Variants in KCNQ5 observed in about 807,000 individuals in gnomAD.
The protein encoded by KCNQ5 is potassium voltage-gated channel subfamily KQT member 5.
A neutral mutation model predicts 98.2 loss-of-function variants in KCNQ5; 30 were observed. That is an observed-to-expected ratio of 0.31 (90% CI 0.23 to 0.41). The LOEUF (loss-of-function observed/expected upper bound fraction) is 0.41. Among genes scored for constraint, KCNQ5 ranks in the 10% least tolerant of loss-of-function variants. The pLI is 1.00. For missense variants in KCNQ5, 835 were observed against 1,182.5 expected, an observed-to-expected ratio of 0.71 and a Z score of 4.31; for synonymous variants, 458 against 449.4, an observed-to-expected ratio of 1.02 and a Z score of -0.24.
rs762085378 is a variant in KCNQ5, at chr6:73,071,740, G to A, written c.617-5582G>A. 5.7e-4 allele frequency among the ~76,000 whole-genome samples: 87 copies of A among 152,166 alleles called. 1 individual carries two copies. The highest frequency in any genetic ancestry group is 1.9e-4 in the East Asian group (1 of 5,172). On this transcript the variant is annotated intron_variant, in intron 3 of 13. Transcript: ENST00000370398. Reference sequence around the variant, plus strand: ...AGAACTCAGTCATTACTTCAAGGACGGTACCAAGCCATTCATGAGCGATCC... The same window carrying A: ...AGAACTCAGTCATTACTTCAAGGACAGTACCAAGCCATTCATGAGCGATCC...
intron 8 of KCNQ5, 71 bp from the exon 9 acceptor site, chr6:73,124,415 G>A: frequency 7.2e-7 from 1 of 1,392,662 alleles, no homozygotes; most frequent in South Asian, 1.2e-5. Flanking sequence ...CTCCAATTTG[G>A]CCATTATCAA....
chr6:72,713,737 G>A lies in KCNQ5; in HGVS notation c.398+91150G>A, dbSNP rs1010870694. Among the ~76,000 whole-genome samples, 14 of 152,290 alleles carry A rather than the reference G, an allele frequency of 9.2e-5. No homozygotes were observed. The South Asian group carries it at 1.0e-3, about 11-fold the overall frequency. On this transcript the variant is annotated intron_variant, in intron 1 of 13. Coordinates refer to ENST00000370398, the MANE Select transcript of KCNQ5 (RefSeq NM_019842.4). ...CACAGAGGGTTCTTTGTCTTAGAGA[G>A]GGGCATGGAGACTAGACAGGCTTAT...
chr6:73,118,274 C>T (rs1261542685), intron 7 of KCNQ5, among the ~76,000 whole-genome samples: 2 of 152,168 alleles, frequency 1.3e-5, no homozygotes, highest in Non-Finnish European at 2.9e-5. Context: ...GAAATGTACT[C>T]CTTGGTGTCT....
At chr6:72,646,536 T>C (rs889469703) in intron 1 of KCNQ5, among the ~76,000 whole-genome samples, 1 of 152,164 alleles carries the variant, frequency 6.6e-6, no homozygotes, top group Non-Finnish European at 1.5e-5. Context: ...CATATGGTTA[T>C]CTATTGGTCT....
chr6:73,032,835 C>CA (rs57177639), intron 2 of KCNQ5, among the ~76,000 whole-genome samples: 2 of 151,466 alleles, frequency 1.3e-5, no homozygotes, highest in African/African-American at 2.4e-5. Flanking sequence ...GGATGGACAA[C>CA]AAAAAAAACC....
intron 3 of KCNQ5, among the ~76,000 whole-genome samples, chr6:73,073,670 T>C (rs1431933971): frequency 6.6e-6 from 1 of 152,198 alleles, no homozygotes; most frequent in Admixed American, 6.5e-5. Context: ...AAGTGTCTAA[T>C]ATAATTCTTG....
At chr6:72,962,319 T>G (rs966202273) in intron 1 of KCNQ5, among the ~76,000 whole-genome samples, 3 of 137,738 alleles carry the variant, frequency 2.2e-5, no homozygotes, top group Non-Finnish European at 3.1e-5. Flanking sequence ...GCATACAGAG[T>G]GATAAAATAG....
intron 1 of KCNQ5, among the ~76,000 whole-genome samples, chr6:72,998,593 C>T (rs975179684): frequency 1.3e-5 from 2 of 151,906 alleles, no homozygotes; most frequent in African/African-American, 4.8e-5. Context: ...AAGCATTAGC[C>T]GGGCTTGGTG....
intron 1 of KCNQ5, among the ~76,000 whole-genome samples, chr6:72,790,957 T>C (rs919617289): frequency 1.4e-4 from 22 of 152,174 alleles, no homozygotes; most frequent in African/African-American, 5.3e-4. Flanking sequence ...GAAATGGTCC[T>C]GGGTCTGGAG....
intron 1 of KCNQ5, among the ~76,000 whole-genome samples, chr6:72,652,425 T>C (rs1765923768): frequency 8.6e-6 from 1 of 116,840 alleles, no homozygotes; most frequent in South Asian, 2.8e-4. Context: ...TTTCTCCTGG[T>C]TTTTCCCCCT....
intron 1 of KCNQ5, among the ~76,000 whole-genome samples, chr6:72,741,199 C>T (rs114325998): frequency 1.8e-3 from 268 of 152,228 alleles, no homozygotes; most frequent in African/African-American, 6.1e-3. Flanking sequence ...TCAGATTGCC[C>T]AGTGAAAATG....
chr6:73,096,132 C>A (rs1774483899), intron 5 of KCNQ5, among the ~76,000 whole-genome samples: 1 of 151,990 alleles, frequency 6.6e-6, no homozygotes, highest in African/African-American at 2.4e-5. Flanking sequence ...AATTGAAGAA[C>A]TTAGAGTCCA....
chr6:73,092,528 C>G (rs768297203), intron 5 of KCNQ5, among the ~76,000 whole-genome samples: 3 of 152,028 alleles, frequency 2.0e-5, no homozygotes, highest in Non-Finnish European at 2.9e-5. Flanking sequence ...TCATAGGTGA[C>G]TTTTATTACT....
chr6:73,048,825 C>G (rs1772086880), intron 3 of KCNQ5, among the ~76,000 whole-genome samples: 1 of 152,028 alleles, frequency 6.6e-6, no homozygotes, highest in Non-Finnish European at 1.5e-5. Context: ...GTGATGGAAA[C>G]TTTTTTACAG....
intron 1 of KCNQ5, among the ~76,000 whole-genome samples, chr6:72,794,627 A>G (rs1458724224): frequency 6.6e-6 from 1 of 152,204 alleles, no homozygotes; most frequent in Non-Finnish European, 1.5e-5. Context: ...TTATAATTTC[A>G]GATAAGGGAC....
At chr6:72,809,623 C>T (rs966270003) in intron 1 of KCNQ5, among the ~76,000 whole-genome samples, 1 of 152,058 alleles carries the variant, frequency 6.6e-6, no homozygotes, top group African/African-American at 2.4e-5. Flanking sequence ...GCACACAGAA[C>T]ACATGTAAAA....
intron 1 of KCNQ5, among the ~76,000 whole-genome samples, chr6:72,730,098 A>C (rs1376164927): frequency 6.6e-6 from 1 of 152,182 alleles, no homozygotes; most frequent in East Asian, 1.9e-4. Flanking sequence ...TCAAGGCTAC[A>C]GTGAGCTATG....
chr6:72,997,339 T>C (rs559381861), intron 1 of KCNQ5, among the ~76,000 whole-genome samples: 23 of 152,222 alleles, frequency 1.5e-4, no homozygotes, highest in African/African-American at 5.5e-4. Flanking sequence ...CCTAGCTTTT[T>C]TACATTAGCC....
chr6:73,072,222 T>C (rs1449860921), intron 3 of KCNQ5, among the ~76,000 whole-genome samples: 1 of 152,194 alleles, frequency 6.6e-6, no homozygotes, highest in Admixed American at 6.5e-5. Flanking sequence ...CCAGACAGTT[T>C]CTAGAAGTCA....
Sources: gnomAD v4.1 joint callset for allele counts (sites outside exome capture counted in the v4.1 genomes callset) on GRCh38, gnomAD v4.1.1 for gene constraint, MANE v1.5 for transcripts, NCBI Gene and HGNC (gene_info 2026-07-23, HGNC 2026-07-21) for gene names.